Variants in NAALADL2 observed in about 807,000 individuals in gnomAD.
NAALADL2 encodes the protein inactive N-acetylated-alpha-linked acidic dipeptidase-like protein 2.
NAALADL2 carries 76 observed loss-of-function variants against 87.2 expected under a neutral mutation model. The observed-to-expected ratio is 0.87, with a 90% CI of 0.72 to 1.05. The LOEUF is 1.05. Ranked by LOEUF, NAALADL2 falls within the 50% of genes least tolerant of loss-of-function variation. The pLI is 0.00. For synonymous variants in NAALADL2, 354 were observed against 331.0 expected (o/e 1.07, Z -0.75); for missense variants, 1,089 against 945.8 (o/e 1.15, Z -1.99).
chr3:175,012,967 G>GTATATATATATA (rs372741122), intron 1 of NAALADL2, among the ~76,000 whole-genome samples: 28 of 126,986 alleles, frequency 2.2e-4, no homozygotes, highest in African/African-American at 6.8e-4. Flanking sequence ...AGATGTGTGT[G>GTATATATATATA]TATATATATA....
intron 2 of NAALADL2, 122 bp downstream of exon 2, chr3:175,097,413 C>T (rs1328863307): frequency 8.1e-6 from 7 of 865,834 alleles, no homozygotes; most frequent in Non-Finnish European, 1.3e-5. Context: ...AAACATATCA[C>T]CACAACAAGA....
intron 2 of NAALADL2, among the ~76,000 whole-genome samples, chr3:174,665,339 C>G (rs1725865471): frequency 6.6e-6 from 1 of 152,104 alleles, no homozygotes; most frequent in African/African-American, 2.4e-5. Flanking sequence ...CTGGGCCTGG[C>G]TCTGTGTCAA....
chr3:175,058,791 C>G (rs1371922945), intron 1 of NAALADL2, among the ~76,000 whole-genome samples: 1 of 152,208 alleles, frequency 6.6e-6, no homozygotes, highest in African/African-American at 2.4e-5. Flanking sequence ...TCTACGGCAG[C>G]TAGAGTGTCA....
chr3:174,836,246 A>G (rs907991031), intron 3 of NAALADL2, among the ~76,000 whole-genome samples: 1 of 152,194 alleles, frequency 6.6e-6, no homozygotes, highest in Admixed American at 6.5e-5. Context: ...AAAAATAGCC[A>G]CTGTATGATT....
At chr3:175,730,179 A>G (rs982291760) in intron 11 of NAALADL2, among the ~76,000 whole-genome samples, 5 of 151,714 alleles carry the variant, frequency 3.3e-5, no homozygotes, top group African/African-American at 2.4e-5. Context: ...AATGAGCTAC[A>G]ATAATTAAGG....
At chr3:174,967,050 C>A (rs374748593) in intron 1 of NAALADL2, among the ~76,000 whole-genome samples, 1 of 152,094 alleles carries the variant, frequency 6.6e-6, no homozygotes, top group Non-Finnish European at 1.5e-5. Flanking sequence ...GCTATTTGAA[C>A]AATAATTCAC....
intron 13 of NAALADL2, among the ~76,000 whole-genome samples, chr3:175,785,973 T>G (rs530953651): frequency 6.6e-6 from 1 of 152,138 alleles, no homozygotes; most frequent in Non-Finnish European, 1.5e-5. Context: ...AAGCTTAGTT[T>G]GGCTGGATAT....
chr3:175,662,499 G>T (rs1000505891), intron 11 of NAALADL2, among the ~76,000 whole-genome samples: 2 of 151,744 alleles, frequency 1.3e-5, no homozygotes, highest in South Asian at 4.2e-4. Flanking sequence ...TTACCTAATT[G>T]CCCTGGCTAG....
chr3:175,026,002 G>C (rs1437498904), intron 1 of NAALADL2, among the ~76,000 whole-genome samples: 1 of 151,866 alleles, frequency 6.6e-6, no homozygotes, highest in Non-Finnish European at 1.5e-5. Flanking sequence ...GTAAAGACGG[G>C]GTCTCCCTAT....
At chr3:174,903,502 A>C (rs1216905168) in intron 1 of NAALADL2, among the ~76,000 whole-genome samples, 1 of 152,046 alleles carries the variant, frequency 6.6e-6, no homozygotes, top group African/African-American at 2.4e-5. Context: ...TTTACTCACT[A>C]GTCTTTACTG....
At chr3:175,781,552 A>AG (rs1751073330) in intron 13 of NAALADL2, among the ~76,000 whole-genome samples, 3 of 151,886 alleles carry the variant, frequency 2.0e-5, no homozygotes, top group Admixed American at 6.6e-5. Context: ...TATATGATAC[A>AG]TTGAATTGTT....
intron 2 of NAALADL2, among the ~76,000 whole-genome samples, chr3:175,171,823 A>G (rs574600737): frequency 6.6e-6 from 1 of 152,096 alleles, no homozygotes; most frequent in Non-Finnish European, 1.5e-5. Flanking sequence ...CAAATTTCCC[A>G]TGTTCTTACT....
intron 2 of NAALADL2, among the ~76,000 whole-genome samples, chr3:174,588,414 TG>T (rs1311327841): frequency 2.0e-5 from 3 of 152,216 alleles, no homozygotes; most frequent in African/African-American, 7.2e-5. Flanking sequence ...GTTCCGTTGC[TG>T]GTGAGGAGCT....
chr3:175,005,325 A>C (rs1009825072), intron 1 of NAALADL2, among the ~76,000 whole-genome samples: 3 of 152,196 alleles, frequency 2.0e-5, no homozygotes, highest in African/African-American at 7.2e-5. Flanking sequence ...GGTCCAGTGC[A>C]AACAGCACCT....
intron 3 of NAALADL2, among the ~76,000 whole-genome samples, chr3:174,771,130 T>G (rs1714500097): frequency 6.6e-6 from 1 of 152,208 alleles, no homozygotes; most frequent in South Asian, 2.1e-4. Context: ...TCATTCATTG[T>G]GCTTTCTAAA....
chr3:175,356,576 A>AAATAATAATAATAGT (rs1553872600), intron 5 of NAALADL2, among the ~76,000 whole-genome samples: 9 of 131,750 alleles, frequency 6.8e-5, no homozygotes, highest in African/African-American at 2.6e-4. Context: ...CCCTGTGTCA[A>AAATAATAATAATAGT]AATAATAATA....
chr3:174,885,692 G>A (rs1031183906), intron 1 of NAALADL2, among the ~76,000 whole-genome samples: 3 of 151,546 alleles, frequency 2.0e-5, no homozygotes, highest in African/African-American at 7.3e-5. Context: ...TTAATATTCT[G>A]TTCCTCTAGA....
At chr3:175,103,957 C>T (rs937928549) in intron 2 of NAALADL2, among the ~76,000 whole-genome samples, 2 of 152,174 alleles carry the variant, frequency 1.3e-5, no homozygotes, top group Non-Finnish European at 1.5e-5. Context: ...ATGTCTTTCT[C>T]ACCAGTACTA....
chr3:174,751,488 C>A (rs1734810832), intron 3 of NAALADL2, among the ~76,000 whole-genome samples: 3 of 151,778 alleles, frequency 2.0e-5, no homozygotes, highest in African/African-American at 7.3e-5. Flanking sequence ...CATGGTGAAA[C>A]CCCATTTCTA....
Sources: gnomAD v4.1 joint callset for allele counts (sites outside exome capture counted in the v4.1 genomes callset) on GRCh38, gnomAD v4.1.1 for gene constraint, MANE v1.5 for transcripts, NCBI Gene and HGNC (gene_info 2026-07-23, HGNC 2026-07-21) for gene names.